Variants in DPY19L2 observed in about 807,000 individuals in gnomAD.
The protein encoded by DPY19L2 is probable C-mannosyltransferase DPY19L2.
In DPY19L2, 34 loss-of-function variants were observed where a neutral mutation model predicts 97.9. That is an observed-to-expected ratio of 0.35 (90% CI 0.26 to 0.46). The LOEUF (loss-of-function observed/expected upper bound fraction) is 0.46. Among genes scored for constraint, DPY19L2 ranks in the 20% least tolerant of loss-of-function variants. The probability of loss-of-function intolerance (pLI) is 1.00; values close to 1 mark genes in which losing one functional copy is unlikely to be tolerated. For missense variants in DPY19L2, 623 were observed against 911.4 expected, an observed-to-expected ratio of 0.68 and a Z score of 4.07; for synonymous variants, 230 against 307.9, an observed-to-expected ratio of 0.75 and a Z score of 2.65.
chr12:63,634,930 C>A (rs1891392391), intron 6 of DPY19L2, among the ~76,000 whole-genome samples: 1 of 152,166 alleles, frequency 6.6e-6, no homozygotes, highest in Non-Finnish European at 1.5e-5. Context: ...TTTGAAGAGA[C>A]TAGTGGTTCT....
intron 6 of DPY19L2, among the ~76,000 whole-genome samples, chr12:63,627,564 G>C (rs1889782425): frequency 6.6e-6 from 1 of 152,056 alleles, no homozygotes; most frequent in South Asian, 2.1e-4. Flanking sequence ...TGGCCAGGCT[G>C]GTCTCAAACT....
chr12:63,655,182 G>A (rs1365200959), intron 4 of DPY19L2, among the ~76,000 whole-genome samples: 1 of 152,052 alleles, frequency 6.6e-6, no homozygotes, highest in Non-Finnish European at 1.5e-5. Context: ...ATAAAGACAC[G>A]TTGCACATAC....
intron 6 of DPY19L2, among the ~76,000 whole-genome samples, chr12:63,631,915 C>A (rs916962987): frequency 1.4e-4 from 22 of 152,188 alleles, no homozygotes; most frequent in African/African-American, 5.3e-4. Context: ...TCAACATACG[C>A]AAATCAATAA....
intron 16 of DPY19L2, among the ~76,000 whole-genome samples, chr12:63,590,001 G>C (rs1882606879): frequency 6.6e-6 from 1 of 152,074 alleles, no homozygotes; most frequent in Admixed American, 6.5e-5. Context: ...GATGACGGGT[G>C]CCTGTTATCC....
At chr12:63,600,986 C>A (rs1885094210) in intron 12 of DPY19L2, among the ~76,000 whole-genome samples, 1 of 151,948 alleles carries the variant, frequency 6.6e-6, no homozygotes, top group African/African-American at 2.4e-5. Context: ...GGGGTTTCAC[C>A]GTGTTAGCCA....
At chr12:63,621,540 T>C (rs1399244114) in intron 8 of DPY19L2, among the ~76,000 whole-genome samples, 1 of 152,208 alleles carries the variant, frequency 6.6e-6, no homozygotes, top group Non-Finnish European at 1.5e-5. Flanking sequence ...AATTAGAGTT[T>C]TAATATTAAC....
rs536372111 is a variant in DPY19L2, at chr12:63,585,881, AAGG to A, written c.1581-2048_1581-2046del. On this transcript the variant is annotated intron_variant, in intron 16 of 21. Coordinates refer to ENST00000324472, the MANE Select transcript of DPY19L2 (RefSeq NM_173812.5). The stretch of plus-strand genomic sequence containing the variant: ...TATAATTAAAATAAGCTCCAGTGAA[AAGG>A]AGTTTTCAGAAATTCTAAGAAAAAT... Among the ~76,000 whole-genome samples the A allele has an allele frequency of 4.1e-3, 630 of 152,270 alleles. 7 individuals carry two copies. Among genetic ancestry groups the A allele is most frequent in the African/African-American group, 0.015 (603 of 41,546 alleles).
At chr12:63,620,633 C>A (rs1888537093) in intron 9 of DPY19L2, among the ~76,000 whole-genome samples, 1 of 152,054 alleles carries the variant, frequency 6.6e-6, no homozygotes. Flanking sequence ...TTTTGAAAAT[C>A]TTTTAGGGCG....
intron 6 of DPY19L2, among the ~76,000 whole-genome samples, chr12:63,639,537 GA>G (rs1892336621): frequency 1.3e-5 from 2 of 152,106 alleles, no homozygotes; most frequent in African/African-American, 4.8e-5. Flanking sequence ...AAAAGTGGAT[GA>G]AGGATATGAA....
intron 7 of DPY19L2, 118 bp downstream of exon 7, chr12:63,626,351 C>A: frequency 8.1e-7 from 1 of 1,229,116 alleles, no homozygotes; most frequent in South Asian, 1.6e-5. Context: ...ACACAAGGGT[C>A]TTTAAAATAT....
At chr12:63,593,790 TAATAAA>T (rs920158944) in intron 16 of DPY19L2, among the ~76,000 whole-genome samples, 8 of 141,754 alleles carry the variant, frequency 5.6e-5, no homozygotes, top group African/African-American at 1.8e-4. Flanking sequence ...TAAAGTATAA[TAATAAA>T]AATAAAAAAA....
chr12:63,585,099 C>G (rs11503701), intron 16 of DPY19L2, among the ~76,000 whole-genome samples: 4,199 of 152,026 alleles, frequency 0.028, 219 homozygotes, highest in African/African-American at 0.095. Context: ...ATGCGTCGCC[C>G]TGCAGATAAG....
intron 6 of DPY19L2, among the ~76,000 whole-genome samples, chr12:63,632,779 A>G (rs1890937716): frequency 6.6e-6 from 1 of 152,150 alleles, no homozygotes; most frequent in African/African-American, 2.4e-5. Context: ...CAAAAAGAAC[A>G]AAGCTGGAGA....
In DPY19L2 at chr12:63,590,032, G is replaced by A. The variant is rs183179001; in HGVS notation, c.1580+4055C>T. Among the ~76,000 whole-genome samples the A allele has an allele frequency of 2.8e-4, 42 of 152,210 alleles. 1 individual carries two copies. The highest frequency in any genetic ancestry group is 7.9e-4 in the African/African-American group (33 of 41,554). ...TATCCCAGCTACTCCAGAGGCTGGGGCAGGAGAATTGCTTGAACCCCGGAG... is the reference window on the plus strand; with the variant it reads ...TATCCCAGCTACTCCAGAGGCTGGGACAGGAGAATTGCTTGAACCCCGGAG... On this transcript the variant is annotated intron_variant, in intron 16 of 21. Transcript: ENST00000324472.
chr12:63,593,817 T>C (rs943758045), intron 16 of DPY19L2, among the ~76,000 whole-genome samples: 2 of 152,070 alleles, frequency 1.3e-5, no homozygotes, highest in Admixed American at 6.6e-5. Context: ...AATAAATCTT[T>C]AGCTTACTGA....
intron 6 of DPY19L2, among the ~76,000 whole-genome samples, chr12:63,628,061 C>T (rs546008603): frequency 1.3e-5 from 2 of 152,166 alleles, no homozygotes; most frequent in East Asian, 1.9e-4. Flanking sequence ...GTGGATAAAT[C>T]AAAGTAAGAT....
chr12:63,626,546 A>G lies in DPY19L2; in HGVS notation c.804-20T>C, dbSNP rs768961401. On this transcript the variant is annotated intron_variant, in intron 6 of 21. Coordinates refer to ENST00000324472, the MANE Select transcript of DPY19L2 (RefSeq NM_173812.5). ...GTCCCACTGTAAAAAAAAAACAAAA[A>G]AAACAGAGAATACAATCAAAATTCA... The G allele has an allele frequency of 4.5e-6, 7 of 1,563,702 alleles. No individual in the cohort carries two copies. The South Asian group carries it at 7.2e-5, about 16-fold the overall frequency.
intron 21 of DPY19L2, among the ~76,000 whole-genome samples, chr12:63,566,898 G>T (rs1388157508): frequency 6.6e-6 from 1 of 151,968 alleles, no homozygotes; most frequent in African/African-American, 2.4e-5. Context: ...CATATTTATG[G>T]AGTATAGAGT....
intron 16 of DPY19L2, among the ~76,000 whole-genome samples, chr12:63,585,141 T>G (rs2908089): frequency 0.19 from 29,307 of 151,094 alleles, 4,108 homozygotes; most frequent in African/African-American, 0.41. Context: ...ACAGTATGGA[T>G]ACAATACTTA....
Sources: gnomAD v4.1 joint callset for allele counts (sites outside exome capture counted in the v4.1 genomes callset) on GRCh38, gnomAD v4.1.1 for gene constraint, MANE v1.5 for transcripts, NCBI Gene and HGNC (gene_info 2026-07-23, HGNC 2026-07-21) for gene names.